Variants in CHTOP observed in about 807,000 individuals in gnomAD.
The protein encoded by CHTOP is chromatin target of PRMT1 protein.
In CHTOP, 18 loss-of-function variants were observed where a neutral mutation model predicts 33.6. The ratio of observed to expected loss-of-function variants is 0.54; its 90% CI spans 0.37 to 0.80. The LOEUF is 0.80. Among genes scored for constraint, CHTOP ranks in the 30% least tolerant of loss-of-function variants. The pLI is 0.00. For missense variants in CHTOP, 263 were observed against 336.8 expected (o/e 0.78, Z 1.71); for synonymous variants, 117 against 127.7 (o/e 0.92, Z 0.56).
intron 1 of CHTOP, among the ~76,000 whole-genome samples, chr1:153,636,006 C>T (rs1668379431): frequency 6.6e-6 from 1 of 151,920 alleles, no homozygotes; most frequent in Non-Finnish European, 1.5e-5. Context: ...TTGCAGCCTC[C>T]AACCCCTGGG....
At chr1:153,643,621 T>A in intron 5 of CHTOP, 2 of 334,818 alleles carry the variant, frequency 6.0e-6, no homozygotes, top group Middle Eastern at 8.0e-4. Context: ...AAATTTAAAT[T>A]GTATAGTTGA....
chr1:153,634,843 C>T (rs1406249807), intron 1 of CHTOP, among the ~76,000 whole-genome samples: 2 of 132,514 alleles, frequency 1.5e-5, no homozygotes, highest in Middle Eastern at 3.5e-3. Flanking sequence ...TATATACATA[C>T]ATATATATAT....
intron 3 of CHTOP, 127 bp from the exon 4 acceptor site, chr1:153,642,119 C>T (rs1384445179): frequency 1.5e-6 from 1 of 685,824 alleles, no homozygotes. Flanking sequence ...CCTTTTGACA[C>T]CCACAACAGG....
At chr1:153,635,316 A>G (rs1668323585) in intron 1 of CHTOP, among the ~76,000 whole-genome samples, 1 of 150,150 alleles carries the variant, frequency 6.7e-6, no homozygotes, top group Non-Finnish European at 1.5e-5. Context: ...CTATTTTTTT[A>G]ATTAATTTAT....
At chr1:153,637,211 A>G (rs1207936074) in intron 2 of CHTOP, 1 of 152,388 alleles carries the variant, frequency 6.6e-6, no homozygotes, top group Non-Finnish European at 1.5e-5. Flanking sequence ...TGACAGAAAT[A>G]ATGAGTCTCT....
At chr1:153,642,138 C>G in intron 3 of CHTOP, 108 bp from the exon 4 acceptor site, 1 of 871,840 alleles carries the variant, frequency 1.1e-6, no homozygotes, top group Non-Finnish European at 1.8e-6. Context: ...GGTTTATCTC[C>G]CTTCACACCA....
chr1:153,638,197 G>T (rs539211932), intron 2 of CHTOP, 98 bp from the exon 3 acceptor site: 23 of 1,306,606 alleles, frequency 1.8e-5, no homozygotes, highest in Non-Finnish European at 2.2e-5. Context: ...TTAAAAGTTC[G>T]TGGGATCTGG....
Position 153,645,179 on chromosome 1 carries a change from A to T in CHTOP, c.657A>T (p.Gln219His). ...PVLTKEQLDN[Q>H]LDAYMSKTKG... Reference sequence around the variant, plus strand: ...TGACCAAGGAGCAGCTGGACAACCAATTGGATGCATATATGTCGAAAACAA... The same window carrying T: ...TGACCAAGGAGCAGCTGGACAACCATTTGGATGCATATATGTCGAAAACAA... The change falls in exon 6 of 6, where the codon CAA becomes CAT. Residue 219 changes from glutamine (Q) to histidine (H), a missense_variant. By Grantham distance (24) the Gln-to-His change is conservative (BLOSUM62 0). Coordinates refer to ENST00000368694, the MANE Select transcript of CHTOP (RefSeq NM_015607.4). 6.2e-7 allele frequency: 1 copy of T among 1,614,230 alleles called. No homozygotes were observed. Among genetic ancestry groups the T allele is most frequent in the Admixed American group, 1.7e-5 (1 of 60,028 alleles).
Position 153,642,245 on chromosome 1 carries a change from G to C in CHTOP, c.220-1G>C. ...TCCCCTAACACCTTTTCTTCCAGAAGAGCTTAAAGCAGCGCCTGGGTAAGA... is the reference window on the plus strand; with the variant it reads ...TCCCCTAACACCTTTTCTTCCAGAACAGCTTAAAGCAGCGCCTGGGTAAGA... On this transcript the variant is annotated splice_acceptor_variant, in intron 3 of 5. Transcript: ENST00000368694. LOFTEE classifies it high-confidence loss of function. 6.2e-7 allele frequency: 1 copy of C among 1,602,122 alleles called. No individual in the cohort carries two copies. The highest frequency in any genetic ancestry group is 8.5e-7 in the Non-Finnish European group (1 of 1,172,666).
intron 3 of CHTOP, among the ~76,000 whole-genome samples, chr1:153,641,353 T>C (rs529993717): frequency 1.3e-5 from 2 of 152,310 alleles, no homozygotes; most frequent in Non-Finnish European, 1.5e-5. Context: ...CCTTTTTCCT[T>C]TGAAGGAATT....
At chr1:153,634,874 A>G (rs1668289319) in intron 1 of CHTOP, among the ~76,000 whole-genome samples, 1 of 137,584 alleles carries the variant, frequency 7.3e-6, no homozygotes, top group African/African-American at 2.8e-5. Flanking sequence ...TTGGGGGGGG[A>G]CGGAGTTTCG....
chr1:153,639,250 C>T (rs534932458), intron 3 of CHTOP: 12 of 161,644 alleles, frequency 7.4e-5, no homozygotes, highest in Non-Finnish European at 1.4e-4. Context: ...TAAAGTTTTA[C>T]CAGTAAAGTG....
In CHTOP at chr1:153,640,966, G is replaced by T. The variant is rs189128474; in HGVS notation, c.220-1280G>T. Among the ~76,000 whole-genome samples the T allele has an allele frequency of 1.3e-4, 20 of 152,294 alleles. 1 individual carries two copies. Among genetic ancestry groups the T allele is most frequent in the Admixed American group, 1.1e-3 (17 of 15,298 alleles). On this transcript the variant is annotated intron_variant, in intron 3 of 5. Coordinates refer to ENST00000368694, the MANE Select transcript of CHTOP (RefSeq NM_015607.4). ...CTGTACAGTTCTTTTAAAGCACAAA[G>T]CTTGGGAGAATTAATATATGCAGGA...
At position 153,638,075 on chromosome 1, in the gene CHTOP, T is replaced by G. The variant is rs1668476875; in HGVS notation, c.66-220T>G. On this transcript the variant is annotated intron_variant, in intron 2 of 5. Transcript: ENST00000368694. The stretch of plus-strand genomic sequence containing the variant: ...TTACCTGAGCCCTCGTTATCACTTT[T>G]GGTTGAATGTGCTGCACTTAGCTGC... The G allele has an allele frequency of 5.5e-6, 3 of 550,006 alleles. No individual in the cohort carries two copies. The South Asian group carries it at 6.6e-5, about 12-fold the overall frequency. The allele number at this position is 550,006 out of a possible 1,614,324, so 34.1% of individuals were successfully genotyped here.
In CHTOP at chr1:153,642,415, G is replaced by C; in HGVS notation, c.389G>C (p.Gly130Ala). Residue 130 changes from glycine to alanine, a missense_variant, in exon 4 of 6, where the codon GGG (glycine) becomes GCG (alanine). Gly to Ala is a moderately conservative substitution (Grantham distance 60). This residue lies in a region of CHTOP where 168 missense variants were observed against 179.9 expected (regional missense o/e 0.93). Coordinates refer to ENST00000368694, the MANE Select transcript of CHTOP (RefSeq NM_015607.4). ...GRATRTLLRG[G>A]MSLRGQNLLR... The stretch of plus-strand genomic sequence containing the variant: ...GCCACCAGAACCCTACTTAGGGGCG[G>C]GATGTCACTCCGAGGTCAGTGCTGT... 6.2e-7 allele frequency: 1 copy of C among 1,613,316 alleles called. No homozygotes were observed.
intron 4 of CHTOP, 56 bp downstream of exon 4, chr1:153,642,485 G>T (rs760739543): frequency 1.4e-6 from 2 of 1,442,068 alleles, no homozygotes; most frequent in South Asian, 2.8e-5. Context: ...CTTTTCTCTT[G>T]GGCTGCTTAT....
At chr1:153,640,703 G>A (rs1467780052) in intron 3 of CHTOP, among the ~76,000 whole-genome samples, 6 of 152,150 alleles carry the variant, frequency 3.9e-5, no homozygotes, top group Non-Finnish European at 7.3e-5. Flanking sequence ...CCTGGGAGAC[G>A]AAGGTTGCAG....
In CHTOP at chr1:153,634,920, C is replaced by A. The variant is rs188186687; in HGVS notation, c.-18+577C>A. On this transcript the variant is annotated intron_variant, in intron 1 of 5. Transcript: ENST00000368694. The stretch of plus-strand genomic sequence containing the variant: ...CCAGGCTGGAGTGCAATGGCACGAT[C>A]TCAGCTCACTACAACTTCCGCCTCC... Among the ~76,000 whole-genome samples, 31 of 151,684 alleles carry A rather than the reference C, an allele frequency of 2.0e-4. No individual in the cohort carries two copies. The East Asian group carries it at 3.5e-3, about 17-fold the overall frequency.
intron 1 of CHTOP, among the ~76,000 whole-genome samples, chr1:153,634,864 T>G (rs529989327): frequency 0.021 from 2,095 of 99,586 alleles, 60 homozygotes; most frequent in African/African-American, 0.093. Context: ...ATATTTTTTT[T>G]TGGGGGGGGA....
Sources: gnomAD v4.1 joint callset for allele counts (sites outside exome capture counted in the v4.1 genomes callset) on GRCh38, gnomAD v4.1.1 for gene constraint, gnomAD v4.1.1 regional missense constraint, MANE v1.5 for transcripts, NCBI Gene and HGNC (gene_info 2026-07-23, HGNC 2026-07-21) for gene names.